FAM120B: variants seen among roughly 807,000 people sequenced by gnomAD.
FAM120B encodes constitutive coactivator of peroxisome proliferator-activated receptor gamma.
A neutral mutation model predicts 96.3 loss-of-function variants in FAM120B; 83 were observed. The ratio of observed to expected loss-of-function variants is 0.86; its 90% confidence interval spans 0.72 to 1.03. The LOEUF is 1.03. FAM120B is among the 50% of genes least tolerant of loss of function. FAM120B has a pLI of 0.00. For missense variants in FAM120B, 1,027 were observed against 1,121.2 expected (o/e 0.92, Z 1.20); for synonymous variants, 407 against 402.7 (o/e 1.01, Z -0.13).
At chr6:170,349,569 G>T (rs553197073) in intron 5 of FAM120B, among the ~76,000 whole-genome samples, 1 of 152,190 alleles carries the variant, frequency 6.6e-6, no homozygotes, top group East Asian at 1.9e-4. Context: ...CTTCATTATT[G>T]GTTTCACATG....
intron 1 of FAM120B, among the ~76,000 whole-genome samples, chr6:170,307,313 C>G (rs1318052814): frequency 1.3e-5 from 2 of 152,238 alleles, no homozygotes; most frequent in African/African-American, 4.8e-5. Context: ...TGGGCTATCC[C>G]TGAATCAGGG....
intron 1 of FAM120B, among the ~76,000 whole-genome samples, chr6:170,300,137 G>T (rs1051029031): frequency 6.6e-6 from 1 of 152,286 alleles, no homozygotes; most frequent in South Asian, 2.1e-4. Context: ...CTTGAGACTG[G>T]GTAATTTATA....
chr6:170,398,790 G>C (rs891242984), intron 9 of FAM120B, among the ~76,000 whole-genome samples: 1 of 150,478 alleles, frequency 6.6e-6, no homozygotes, highest in Non-Finnish European at 1.5e-5. Context: ...GAGTGGGGAA[G>C]GTAGAACTAT....
At chr6:170,380,462 C>G (rs1473248855) in intron 6 of FAM120B, among the ~76,000 whole-genome samples, 1 of 152,184 alleles carries the variant, frequency 6.6e-6, no homozygotes, top group Non-Finnish European at 1.5e-5. Context: ...AATTTACATG[C>G]CCACCAACAG....
At position 170,317,669 on chromosome 6, in the gene FAM120B, G is replaced by A; in HGVS notation, c.279G>A (p.Val93=). 2 of 1,614,184 alleles carry A rather than the reference G, an allele frequency of 1.2e-6. No individual in the cohort carries two copies. The highest frequency in any genetic ancestry group is 1.7e-6 in the Non-Finnish European group (2 of 1,180,042). The change falls in exon 2 of 11, where the codon GTG becomes GTA. Residue 93 remains valine (V), a synonymous_variant. Transcript: ENST00000476287. The stretch of plus-strand genomic sequence containing the variant: ...TGATATTCTTCTTTGATGGCATGGT[G>A]GAGCAGGATAAGAGAGATGAATGGG... ...IKLIFFFDGM[V]EQDKRDEWVK...
At chr6:170,343,510 G>C (rs925748885) in intron 4 of FAM120B, among the ~76,000 whole-genome samples, 1 of 151,982 alleles carries the variant, frequency 6.6e-6, no homozygotes, top group Non-Finnish European at 1.5e-5. Flanking sequence ...ATATTAAAAA[G>C]ATTTATCAGG....
At position 170,388,397 on chromosome 6, in the gene FAM120B, T is replaced by G; in HGVS notation, c.2394T>G (p.Asp798Glu). The change falls in exon 7 of 11, where the codon GAT becomes GAG. Residue 798 changes from aspartate (D) to glutamate (E), a missense_variant. Physicochemically the swap from Asp to Glu is conservative, Grantham distance 45. Around this residue, in one of 3 missense-constraint regions of FAM120B, gnomAD observed 880 missense variants for 980.9 expected, o/e 0.90. Transcript: ENST00000476287. Reference protein sequence around the residue: ...SACGFPWKTSDFMPWNVFDGK... With the variant: ...SACGFPWKTSEFMPWNVFDGK... ...GTGGCTTCCCCTGGAAGACGAGTGATTTCATGCCCTGGAATGTATTTGACG... is the reference window on the plus strand; with the variant it reads ...GTGGCTTCCCCTGGAAGACGAGTGAGTTCATGCCCTGGAATGTATTTGACG... The G allele has an allele frequency of 6.2e-7, 1 of 1,614,190 alleles. No individual in the cohort carries two copies. The highest frequency in any genetic ancestry group is 8.5e-7 in the Non-Finnish European group (1 of 1,180,034).
chr6:170,306,484 A>G (rs1583170691), upstream of FAM120B: 1 of 152,224 alleles, frequency 6.6e-6, no homozygotes, highest in African/African-American at 2.4e-5. Context: ...ATGAACAAAG[A>G]GGTTCAAGGG....
chr6:170,382,380 G>A (rs1270628725), intron 6 of FAM120B, among the ~76,000 whole-genome samples: 1 of 152,072 alleles, frequency 6.6e-6, no homozygotes, highest in Non-Finnish European at 1.5e-5. Context: ...CTCCAGCCTG[G>A]GCAACCGAGT....
upstream of FAM120B, chr6:170,290,914 G>C: frequency 1.4e-6 from 1 of 696,244 alleles, no homozygotes; most frequent in Non-Finnish European, 2.6e-6. The surrounding 1 kb of genome is among the most constrained non-coding windows in gnomAD (Gnocchi z 4.7). Flanking sequence ...CTCCGCGGGT[G>C]CGCGCAGAGG....
chr6:170,357,422 A>G (rs1788023430), intron 5 of FAM120B, among the ~76,000 whole-genome samples: 1 of 152,040 alleles, frequency 6.6e-6, no homozygotes, highest in South Asian at 2.1e-4. Flanking sequence ...TCTACTCCAC[A>G]CCAAGCAGTG....
intron 7 of FAM120B, among the ~76,000 whole-genome samples, chr6:170,388,819 A>G (rs1024955289): frequency 2.6e-5 from 4 of 152,230 alleles, no homozygotes; most frequent in Admixed American, 2.6e-4. Flanking sequence ...GAAAACCTGT[A>G]TATAATTTTT....
intron 6 of FAM120B, among the ~76,000 whole-genome samples, chr6:170,381,200 A>G (rs919614355): frequency 6.6e-6 from 1 of 152,162 alleles, no homozygotes; most frequent in African/African-American, 2.4e-5. Context: ...ACTACTAGGG[A>G]TAAGGCAGGG....
At chr6:170,361,687 C>G (rs1005213374) in intron 6 of FAM120B, among the ~76,000 whole-genome samples, 1 of 152,100 alleles carries the variant, frequency 6.6e-6, no homozygotes, top group East Asian at 1.9e-4. Flanking sequence ...CATACCTGCT[C>G]GACTGAACTT....
intron 6 of FAM120B, among the ~76,000 whole-genome samples, chr6:170,383,232 C>G (rs1790015909): frequency 6.6e-6 from 1 of 152,004 alleles, no homozygotes; most frequent in Admixed American, 6.6e-5. Flanking sequence ...TCTTTGGTAT[C>G]TAGGGTCAGG....
At chr6:170,337,784 T>C (rs1305525947) in intron 4 of FAM120B, among the ~76,000 whole-genome samples, 1 of 152,234 alleles carries the variant, frequency 6.6e-6, no homozygotes, top group Non-Finnish European at 1.5e-5. Context: ...CAGGAATTTA[T>C]CCATTTCTTC....
intron 4 of FAM120B, among the ~76,000 whole-genome samples, chr6:170,331,142 T>G (rs1336555912): frequency 1.3e-5 from 2 of 152,218 alleles, no homozygotes; most frequent in Non-Finnish European, 1.5e-5. Context: ...AAGAGCAGCC[T>G]TTCTTTCTGT....
chr6:170,358,676 G>C (rs9295398), intron 6 of FAM120B, among the ~76,000 whole-genome samples: 74,950 of 152,126 alleles, frequency 0.49, 19,234 homozygotes, highest in East Asian at 0.93. Context: ...GCTGCTGGCT[G>C]AAGGGTGGGG....
upstream of FAM120B, among the ~76,000 whole-genome samples, chr6:170,302,212 CCTT>C (rs1342443058): frequency 1.3e-5 from 2 of 152,192 alleles, no homozygotes; most frequent in Admixed American, 6.5e-5. Context: ...GCAAACAAGT[CCTT>C]CTTCACCTGG....
Sources: gnomAD v4.1 joint callset for allele counts (sites outside exome capture counted in the v4.1 genomes callset) on GRCh38, gnomAD v4.1.1 for gene constraint, gnomAD v4.1.1 regional missense constraint, Gnocchi (gnomAD v3.1) non-coding constraint, MANE v1.5 for transcripts, NCBI Gene and HGNC (gene_info 2026-07-23, HGNC 2026-07-21) for gene names.